Variants in ITGA3 observed in about 807,000 individuals in gnomAD.
ITGA3 encodes integrin subunit alpha 3, also known as integrin alpha-3.
In ITGA3, 70 loss-of-function variants were observed where a neutral mutation model predicts 131.1. The ratio of observed to expected loss-of-function variants is 0.53; its 90% CI spans 0.44 to 0.65. ITGA3 has a LOEUF of 0.65. ITGA3 is among the 30% of genes least tolerant of loss of function. The pLI is 0.00. For synonymous variants in ITGA3, 537 were observed against 571.6 expected, an observed-to-expected ratio of 0.94 and a Z score of 0.86; for missense variants, 1,098 against 1,388.6, an observed-to-expected ratio of 0.79 and a Z score of 3.33.
chr17:50,080,216 TG>T, intron 21 of ITGA3, 45 bp from the exon 22 acceptor site: 1 of 1,179,318 alleles, frequency 8.5e-7, no homozygotes, highest in Non-Finnish European at 1.2e-6. Context: ...ATGAAGAATC[TG>T]GAGACTCAGA....
In ITGA3 at chr17:50,064,853, GC is replaced by G. The variant is rs1177917621; in HGVS notation, c.414+248del. ...TCTGACTCATCCACTTCCTCCGCAT[GC>G]CTACACTGGGTGCTCAGCCTTCGTG... is the stretch of plus-strand genomic sequence containing the variant. On this transcript the variant is annotated intron_variant, in intron 3 of 25. Transcript: ENST00000320031. The surrounding 1 kb of genome is among the most constrained non-coding windows in gnomAD (Gnocchi z 4.4). 1 of 428,166 alleles carries G rather than the reference GC, an allele frequency of 2.3e-6. No homozygotes were observed. Among genetic ancestry groups the G allele is most frequent in the Non-Finnish European group, 4.2e-6 (1 of 239,198 alleles). The allele number at this position is 428,166 out of a possible 1,614,324, so 26.5% of individuals were successfully genotyped here. A position where few individuals can be genotyped will look rare whatever the true frequency, so the allele number is the denominator to read the frequency against.
At position 50,089,385 on chromosome 17, in the gene ITGA3, C is replaced by T. The variant is rs1293920441; in HGVS notation, c.*307C>T. On this transcript the variant is annotated 3_prime_UTR_variant, in exon 26 of 26. Coordinates refer to ENST00000320031, the MANE Select transcript of ITGA3 (RefSeq NM_002204.4). ...TTTGGCTGGTAGCAGCAGGCTCAGG[C>T]ACATACACCTCGTCAAGAGCATGCA... 2.0e-5 allele frequency: 15 copies of T among 766,906 alleles called. No homozygotes were observed. In the Admixed American group the frequency reaches 3.7e-4, roughly 19 times the overall value. The allele number at this position is 766,906 out of a possible 1,614,324, so 47.5% of individuals were successfully genotyped here.
intron 25 of ITGA3, among the ~76,000 whole-genome samples, chr17:50,088,717 G>A (rs1909578233): frequency 6.6e-6 from 1 of 152,172 alleles, no homozygotes; most frequent in South Asian, 2.1e-4. Context: ...TCCACCCCTA[G>A]GGAAGGAGGG....
intron 4 of ITGA3, among the ~76,000 whole-genome samples, chr17:50,068,614 A>G (rs1410126731): frequency 2.0e-5 from 3 of 150,226 alleles, no homozygotes; most frequent in African/African-American, 4.9e-5. Flanking sequence ...TGATCCTCCA[A>G]CCTCAGCTTC....
intron 12 of ITGA3, 57 bp from the exon 13 acceptor site, chr17:50,076,269 A>C: frequency 1.9e-6 from 3 of 1,570,240 alleles, no homozygotes; most frequent in Non-Finnish European, 2.6e-6. Context: ...TGGTGTGAGG[A>C]TTCAGCTGGG....
chr17:50,090,091 C>T lies in ITGA3; in HGVS notation c.*1013C>T, dbSNP rs560850771. The T allele has an allele frequency of 5.1e-5, 18 of 350,240 alleles. No homozygotes were observed. Among genetic ancestry groups the T allele is most frequent in the Non-Finnish European group, 1.1e-4 (18 of 169,738 alleles). The allele number at this position is 350,240 out of a possible 1,614,324, so 21.7% of individuals were successfully genotyped here. On this transcript the variant is annotated 3_prime_UTR_variant, in exon 26 of 26. Transcript: ENST00000320031. ...GATGCCACTTCTCACTCACCACTAC[C>T]AGCCAGCCTCAGAAGGCCCCAGAGA...
At chr17:50,083,749 TG>T (rs1164833851) in intron 23 of ITGA3, among the ~76,000 whole-genome samples, 1 of 144,332 alleles carries the variant, frequency 6.9e-6, no homozygotes. Context: ...AGAAACTAAA[TG>T]GGCAAATGAT....
At chr17:50,087,656 C>G in intron 23 of ITGA3, 88 bp from the exon 24 acceptor site, 3 of 1,442,590 alleles carry the variant, frequency 2.1e-6, no homozygotes, top group Non-Finnish European at 2.8e-6. Flanking sequence ...GGACAAACAG[C>G]AGGTGCCTGG....
In ITGA3 at chr17:50,070,741, A is replaced by G. The variant is rs549211440; in HGVS notation, c.665-103A>G. On this transcript the variant is annotated intron_variant, in intron 4 of 25. Coordinates refer to ENST00000320031, the MANE Select transcript of ITGA3 (RefSeq NM_002204.4). ...CTCACCAATAAAAGGGGTTATTACT[A>G]TCCTTGTTGGGTGGGGGTGGGGGTG... 2.7e-4 allele frequency: 178 copies of G among 650,594 alleles called. 1 individual carries two copies. The South Asian group carries it at 2.7e-3, about 10-fold the overall frequency. The allele number at this position is 650,594 out of a possible 1,614,324, so 40.3% of individuals were successfully genotyped here. A position where few individuals can be genotyped will look rare whatever the true frequency, so the allele number is the denominator to read the frequency against.
chr17:50,067,018 T>C (rs997293596), intron 3 of ITGA3, among the ~76,000 whole-genome samples: 1 of 152,224 alleles, frequency 6.6e-6, no homozygotes, highest in East Asian at 1.9e-4. Context: ...AATGCCTTTT[T>C]GATAACCCTG....
At chr17:50,068,714 C>T (rs1286770791) in intron 4 of ITGA3, among the ~76,000 whole-genome samples, 1 of 152,216 alleles carries the variant, frequency 6.6e-6, no homozygotes, top group South Asian at 2.1e-4. Context: ...GTTGCTCAGG[C>T]TAGTCTTGAA....
In ITGA3 at chr17:50,068,042, T is replaced by C. The variant is rs1567698189; in HGVS notation, c.415-14T>C. On this transcript the variant is annotated splice_polypyrimidine_tract_variant and intron_variant, in intron 3 of 25. Transcript: ENST00000320031. ...GTGCCTGACTAAGGCTGCCTGTGTT[T>C]GGGGGGTCCCCAGGTCTGTGCCCAC... is the stretch of plus-strand genomic sequence containing the variant. The C allele has an allele frequency of 6.2e-7, 1 of 1,613,538 alleles. No homozygotes were observed. Among genetic ancestry groups the C allele is most frequent in the Non-Finnish European group, 8.5e-7 (1 of 1,179,836 alleles).
In ITGA3 at chr17:50,056,577, G is replaced by A. The variant is rs760473716; in HGVS notation, c.138G>A (p.Gly46=). ...DTRFLVVKEA[G]NPGSLFGYSV... ...GATTCCTGGTAGTGAAGGAGGCCGG[G>A]AACCCGGGCAGCCTCTTCGGCTACT... Residue 46 remains glycine (G), a synonymous_variant, in exon 1 of 26, where the codon GGG becomes GGA. Transcript: ENST00000320031. The surrounding 1 kb of genome is among the most constrained non-coding windows in gnomAD (Gnocchi z 5.6). 3.8e-6 allele frequency: 6 copies of A among 1,587,324 alleles called. No homozygotes were observed. In the South Asian group the frequency reaches 6.9e-5, roughly 18 times the overall value.
At chr17:50,057,371 T>C (rs995939258) in intron 1 of ITGA3, among the ~76,000 whole-genome samples, 2 of 152,240 alleles carry the variant, frequency 1.3e-5, no homozygotes, top group Non-Finnish European at 2.9e-5. Context: ...TTGTTTTGGT[T>C]TGAAGAGGGA....
Position 50,080,363 on chromosome 17 carries a change from C to G in ITGA3, c.2808C>G (p.Ser936Arg). ...CTGTGAAGGCACGAGTGTGGAACAG[C>G]ACCTTCATCGAGGTCAGTGCCTGGG... ...NVTVKARVWN[S>R]TFIEDYRDFD... is the part of the protein sequence containing the mutation. The change falls in exon 22 of 26, where the codon AGC becomes AGG. Residue 936 changes from serine to arginine, a missense_variant. By Grantham distance (110) the Ser-to-Arg change is moderately radical (BLOSUM62 -1). This residue lies in a region of ITGA3 where 699 missense variants were observed against 829.2 expected (regional missense o/e 0.84). Transcript: ENST00000320031. The G allele has an allele frequency of 6.2e-7, 1 of 1,609,176 alleles. No individual in the cohort carries two copies. Among genetic ancestry groups the G allele is most frequent in the Non-Finnish European group, 8.5e-7 (1 of 1,176,492 alleles).
intron 25 of ITGA3, among the ~76,000 whole-genome samples, 196 bp downstream of exon 25, chr17:50,088,562 C>A (rs1325641447): frequency 2.0e-5 from 3 of 152,204 alleles, no homozygotes; most frequent in Non-Finnish European, 4.4e-5. Flanking sequence ...CCCTAAGCCC[C>A]TTGGTGACTT....
chr17:50,070,938 C>T lies in ITGA3; in HGVS notation c.751+8C>T. 1.3e-6 allele frequency: 2 copies of T among 1,538,890 alleles called. No individual in the cohort carries two copies. Among genetic ancestry groups the T allele is most frequent in the Admixed American group, 3.3e-5 (2 of 59,896 alleles). On this transcript the variant is annotated splice_region_variant and intron_variant, in intron 5 of 25. Transcript: ENST00000320031. ...AAGGAAACCTCTATATTGGTGAGTA[C>T]AGTAGTGGTAGCCCATCAAGTGGTA...
intron 1 of ITGA3, among the ~76,000 whole-genome samples, chr17:50,062,053 A>G (rs907609188): frequency 2.0e-5 from 3 of 151,504 alleles, no homozygotes; most frequent in East Asian, 1.9e-4. Context: ...AAAAAAAAAA[A>G]AAAGAAAGAA....
intron 23 of ITGA3, among the ~76,000 whole-genome samples, chr17:50,085,859 T>C (rs62060010): frequency 0.094 from 3,097 of 33,026 alleles, 272 homozygotes; most frequent in Middle Eastern, 0.29. Context: ...ATAATGTATA[T>C]TAGATTATAC....
Sources: allele counts gnomAD v4.1 joint callset (sites outside exome capture counted in the v4.1 genomes callset), GRCh38; gene constraint gnomAD v4.1.1; regional missense constraint gnomAD v4.1.1; non-coding constraint Gnocchi (gnomAD v3.1); transcripts MANE v1.5; gene names NCBI Gene and HGNC (gene_info 2026-07-23, HGNC 2026-07-21).